SEC24A: variants seen among roughly 807,000 people sequenced by gnomAD.
SEC24A encodes SEC24 homolog A, COPII component.
A neutral mutation model predicts 129.4 loss-of-function variants in SEC24A; 93 were observed. The ratio of observed to expected loss-of-function variants is 0.72; its 90% CI spans 0.61 to 0.85. The LOEUF (loss-of-function observed/expected upper bound fraction) is 0.85. SEC24A is among the 40% of genes least tolerant of loss of function. SEC24A has a pLI of 0.00. For missense variants in SEC24A, 1,264 were observed against 1,307.4 expected (o/e 0.97, Z 0.51); for synonymous variants, 460 against 467.3 (o/e 0.98, Z 0.20).
chr5:134,723,108 T>C (rs1322828616), intron 21 of SEC24A, among the ~76,000 whole-genome samples: 1 of 152,074 alleles, frequency 6.6e-6, no homozygotes. Context: ...CAGTGAGCCA[T>C]GATCACACCA....
At chr5:134,681,003 G>A (rs774793387) in intron 8 of SEC24A, among the ~76,000 whole-genome samples, 55 of 151,446 alleles carry the variant, frequency 3.6e-4, no homozygotes, top group Non-Finnish European at 5.7e-4. Flanking sequence ...GGAGGCTGAG[G>A]CAGGAGAATC....
chr5:134,651,363 C>T (rs371120000), intron 1 of SEC24A, among the ~76,000 whole-genome samples: 1 of 150,182 alleles, frequency 6.7e-6, no homozygotes, highest in East Asian at 2.0e-4. Flanking sequence ...GGCTCGATCT[C>T]GGCTCACTGC....
intron 22 of SEC24A, among the ~76,000 whole-genome samples, chr5:134,724,773 A>G (rs926708348): frequency 5.3e-5 from 8 of 152,162 alleles, no homozygotes; most frequent in African/African-American, 1.9e-4. Flanking sequence ...GAATTTCTGG[A>G]TCAACTATTT....
Position 134,679,691 on chromosome 5 carries a change from G to T in SEC24A, c.1344G>T (p.Arg448Ser). The change falls in exon 8 of 23, where the codon AGG becomes AGT. Residue 448 changes from arginine (R) to serine (S), a missense_variant. Arg to Ser is a moderately radical substitution (Grantham distance 110). Transcript: ENST00000398844. ...INPFVSFLDQ[R>S]RWKCNLCYRV... ...CTTTCGTCAGCTTTCTTGATCAAAG[G>T]AGATGGAAGTGTAACTTATGTTATC... is the stretch of plus-strand genomic sequence containing the variant. The T allele has an allele frequency of 6.3e-7, 1 of 1,599,148 alleles. No individual in the cohort carries two copies. The highest frequency in any genetic ancestry group is 8.5e-7 in the Non-Finnish European group (1 of 1,170,122).
chr5:134,657,338 C>T (rs1294868491), intron 1 of SEC24A, among the ~76,000 whole-genome samples: 3 of 151,898 alleles, frequency 2.0e-5, no homozygotes, highest in South Asian at 2.1e-4. Flanking sequence ...CATGAGCCAC[C>T]GTGCCTGGCC....
chr5:134,694,506 G>T (rs1016957689), intron 13 of SEC24A, among the ~76,000 whole-genome samples: 1 of 152,094 alleles, frequency 6.6e-6, no homozygotes, highest in African/African-American at 2.4e-5. Context: ...AATTAGCCGG[G>T]TGTGGTGGCG....
At chr5:134,681,896 G>A (rs1003340123) in intron 8 of SEC24A, among the ~76,000 whole-genome samples, 2 of 152,138 alleles carry the variant, frequency 1.3e-5, no homozygotes, top group Non-Finnish European at 2.9e-5. Context: ...GTGCCAGCTA[G>A]TGTCTGTACA....
Position 134,681,983 on chromosome 5 carries a change from T to G in SEC24A, c.1382-390T>G, listed in dbSNP as rs1467932980. Among the ~76,000 whole-genome samples, 6 of 152,318 alleles carry G rather than the reference T, an allele frequency of 3.9e-5. No homozygotes were observed. The East Asian group carries it at 1.2e-3, about 29-fold the overall frequency. ...TAGGCCGGGTGTGGTGGCTCACATCTGTAATCCCAGCACTTTGGGAGGCCA... is the reference window on the plus strand; with the variant it reads ...TAGGCCGGGTGTGGTGGCTCACATCGGTAATCCCAGCACTTTGGGAGGCCA... On this transcript the variant is annotated intron_variant, in intron 8 of 22. Transcript: ENST00000398844.
chr5:134,663,271 C>G (rs1175037817), intron 2 of SEC24A, among the ~76,000 whole-genome samples: 4 of 152,022 alleles, frequency 2.6e-5, no homozygotes, highest in Non-Finnish European at 4.4e-5. Context: ...GGGTCTTACC[C>G]TGTCGCCCAG....
intron 8 of SEC24A, among the ~76,000 whole-genome samples, chr5:134,681,442 TTGTGTGTGTG>T (rs34487329): frequency 2.6e-4 from 38 of 143,784 alleles, no homozygotes; most frequent in African/African-American, 9.1e-4. Context: ...GTTTTATTGT[TTGTGTGTGTG>T]TGTGTGTGTG....
At chr5:134,649,582 C>A (rs1749980958) in intron 1 of SEC24A, among the ~76,000 whole-genome samples, 1 of 152,076 alleles carries the variant, frequency 6.6e-6, no homozygotes, top group East Asian at 1.9e-4. Flanking sequence ...GGGTGGGGGT[C>A]GTACTCAGTC....
intron 15 of SEC24A, among the ~76,000 whole-genome samples, chr5:134,703,544 A>G (rs747143336): frequency 1.8e-4 from 28 of 152,324 alleles, no homozygotes; most frequent in Non-Finnish European, 3.4e-4. Flanking sequence ...CTGGGATTAC[A>G]GGCGTGAGCT....
chr5:134,675,403 A>T (rs1005467554), intron 6 of SEC24A, among the ~76,000 whole-genome samples, 186 bp downstream of exon 6: 1 of 152,176 alleles, frequency 6.6e-6, no homozygotes, highest in East Asian at 1.9e-4. Context: ...AGAAATAGGG[A>T]TGTAACTCCT....
At chr5:134,705,867 T>C (rs1453567367) in intron 17 of SEC24A, among the ~76,000 whole-genome samples, 1 of 151,870 alleles carries the variant, frequency 6.6e-6, no homozygotes, top group Non-Finnish European at 1.5e-5. Context: ...TATATTTGTC[T>C]ACACTGAACT....
Position 134,693,925 on chromosome 5 carries a change from T to C in SEC24A, c.1978T>C (p.Ser660Pro). The change falls in exon 13 of 23, where the codon TCT (serine) becomes CCT (proline). Residue 660 changes from serine (S) to proline (P), a missense_variant. Transcript: ENST00000398844. ...ACGAGAGGAACCAAACCACAGGTCA[T>C]CTGCTAAGGTTAGAGAGTCATGAAA... ...KPREEPNHRS[S>P]AKDIHMTPST... 6.2e-7 allele frequency: 1 copy of C among 1,613,760 alleles called. No individual in the cohort carries two copies. Among genetic ancestry groups the C allele is most frequent in the Non-Finnish European group, 8.5e-7 (1 of 1,179,646 alleles).
chr5:134,717,810 G>A (rs1404503712), intron 19 of SEC24A, among the ~76,000 whole-genome samples: 1 of 152,098 alleles, frequency 6.6e-6, no homozygotes, highest in Non-Finnish European at 1.5e-5. Flanking sequence ...AGCTACTCGG[G>A]AGGCTGAGGC....
rs1337497101 is a variant in SEC24A, at chr5:134,693,874, A to G, written c.1927A>G (p.Thr643Ala). 4 of 1,613,474 alleles carry G rather than the reference A, an allele frequency of 2.5e-6. No individual in the cohort carries two copies. The highest frequency in any genetic ancestry group is 2.2e-5 in the South Asian group (2 of 91,062). The change falls in exon 13 of 23, where the codon ACT (threonine) becomes GCT (alanine). Residue 643 changes from threonine to alanine, a missense_variant. Transcript: ENST00000398844. ...RMSVFQTQLPTLGVGALKPRE... is the reference protein window; with the variant it reads ...RMSVFQTQLPALGVGALKPRE... ...GTCTGTCTTTCAAACACAACTCCCA[A>G]CTCTTGGAGTGGGAGCCCTGAAACC...
At chr5:134,718,967 C>CAA (rs894673285) in intron 20 of SEC24A, among the ~76,000 whole-genome samples, 13 of 73,422 alleles carry the variant, frequency 1.8e-4, no homozygotes, top group African/African-American at 4.3e-4. Context: ...AAGACTGTCT[C>CAA]AAAAAAAAAA....
chr5:134,689,411 A>G (rs752232247), intron 11 of SEC24A, among the ~76,000 whole-genome samples: 8 of 152,214 alleles, frequency 5.3e-5, no homozygotes, highest in Non-Finnish European at 1.0e-4. Context: ...AATAGCCAAA[A>G]GGTGGAAACA....
Sources: gnomAD v4.1 joint callset for allele counts (sites outside exome capture counted in the v4.1 genomes callset) on GRCh38, gnomAD v4.1.1 for gene constraint, MANE v1.5 for transcripts, NCBI Gene and HGNC (gene_info 2026-07-23, HGNC 2026-07-21) for gene names.